Variants in ARHGAP21 observed in about 807,000 individuals in gnomAD.
The protein encoded by ARHGAP21 is Rho GTPase activating protein 21, also known as rho GTPase-activating protein 21.
Under a neutral mutation model 164.6 loss-of-function variants are expected in ARHGAP21, and 38 were observed. That is an observed-to-expected ratio of 0.23 (90% CI 0.18 to 0.30). The LOEUF is 0.30. ARHGAP21 is among the 10% of genes least tolerant of loss of function. The pLI is 1.00. For synonymous variants in ARHGAP21, 766 were observed against 857.9 expected (o/e 0.89, Z 1.87); for missense variants, 1,822 against 2,370.7 (o/e 0.77, Z 4.81).
chr10:24,595,445 A>C (rs1479503756), intron 19 of ARHGAP21, among the ~76,000 whole-genome samples: 2 of 152,220 alleles, frequency 1.3e-5, no homozygotes, highest in Admixed American at 6.5e-5. Context: ...TGACTGAAAA[A>C]ACATTTTTCT....
chr10:24,610,076 GACTT>G (rs1257307768), intron 9 of ARHGAP21, among the ~76,000 whole-genome samples: 2 of 152,150 alleles, frequency 1.3e-5, no homozygotes, highest in Non-Finnish European at 2.9e-5. Context: ...TCAAAGAACT[GACTT>G]AAGAAACGAG....
intron 3 of ARHGAP21, among the ~76,000 whole-genome samples, chr10:24,669,126 T>C (rs914204350): frequency 6.6e-6 from 1 of 152,144 alleles, no homozygotes; most frequent in African/African-American, 2.4e-5. Context: ...CCTTAAAAGA[T>C]ATTCAGTTGT....
At position 24,591,394 on chromosome 10, in the gene ARHGAP21, C is replaced by T. The variant is rs2076323859; in HGVS notation, c.4045-64G>A. ...AAAGATACTTTCTTTAAAATTTAAA[C>T]AACATTTAGTAAAAGACACATTACT... On this transcript the variant is annotated intron_variant, in intron 23 of 25. Transcript: ENST00000396432. The T allele has an allele frequency of 3.5e-6, 5 of 1,424,846 alleles. No homozygotes were observed. In the East Asian group the frequency reaches 9.1e-5, roughly 26 times the overall value. 88.3% of individuals were successfully genotyped at this position (1,424,846 alleles called of 1,614,324 possible).
chr10:24,664,965 A>C (rs954201433), intron 4 of ARHGAP21, among the ~76,000 whole-genome samples: 1 of 152,188 alleles, frequency 6.6e-6, no homozygotes, highest in Non-Finnish European at 1.5e-5. Flanking sequence ...ATGAAGTTTT[A>C]TAACAATGTC....
intron 2 of ARHGAP21, among the ~76,000 whole-genome samples, chr10:24,686,427 CAAAT>C (rs879279972): frequency 6.6e-6 from 1 of 151,674 alleles, no homozygotes; most frequent in African/African-American, 2.4e-5. Context: ...GACCCTATCT[CAAAT>C]AAATAAATAA....
At chr10:24,594,161 G>GTACTT (rs1039014668) in intron 21 of ARHGAP21, among the ~76,000 whole-genome samples, 8 of 152,256 alleles carry the variant, frequency 5.3e-5, no homozygotes, top group African/African-American at 1.9e-4. Context: ...GACTGCTTCA[G>GTACTT]TACTTTAAGA....
At chr10:24,615,123 GA>G (rs1372960772) in intron 9 of ARHGAP21, among the ~76,000 whole-genome samples, 3 of 152,164 alleles carry the variant, frequency 2.0e-5, no homozygotes, top group Non-Finnish European at 4.4e-5. Context: ...CCGGGAGGCG[GA>G]GGTTGCAGTG....
chr10:24,623,048 G>A (rs560890192), intron 7 of ARHGAP21, among the ~76,000 whole-genome samples: 4 of 152,196 alleles, frequency 2.6e-5, no homozygotes, highest in African/African-American at 9.6e-5. Flanking sequence ...TCTTCAATAT[G>A]CACTGCTGTC....
At chr10:24,663,697 T>C (rs1295628039) in intron 4 of ARHGAP21, among the ~76,000 whole-genome samples, 4 of 152,078 alleles carry the variant, frequency 2.6e-5, no homozygotes, top group African/African-American at 9.7e-5. Context: ...CCTGGCTAAT[T>C]TTTTTATTTT....
chr10:24,721,773 C>G, intron 2 of ARHGAP21, 64 bp downstream of exon 2: 3 of 1,591,154 alleles, frequency 1.9e-6, no homozygotes, highest in South Asian at 2.3e-5. Context: ...TAACCCCCAA[C>G]TTGCAGGACG....
In ARHGAP21 at chr10:24,619,356, G is replaced by C. The variant is rs144793614; in HGVS notation, c.2422+117C>G. ...GAAGCACAGCTTATGAGATTCACTA[G>C]AAACATTTTAAAATCACAGTGTAAG... On this transcript the variant is annotated intron_variant, in intron 9 of 25. Coordinates refer to ENST00000396432, the MANE Select transcript of ARHGAP21 (RefSeq NM_020824.4). The C allele has an allele frequency of 1.3e-3, 1,374 of 1,047,474 alleles. 23 individuals carry two copies. The East Asian group carries it at 0.028, about 21-fold the overall frequency. 64.9% of individuals were successfully genotyped at this position (1,047,474 alleles called of 1,614,324 possible).
intron 7 of ARHGAP21, among the ~76,000 whole-genome samples, chr10:24,626,273 T>C (rs1417186923): frequency 6.6e-6 from 1 of 152,130 alleles, no homozygotes; most frequent in Non-Finnish European, 1.5e-5. Flanking sequence ...CAGGGAAGTA[T>C]TCTCTTTGGT....
intron 23 of ARHGAP21, 38 bp from the exon 24 acceptor site, chr10:24,591,368 C>T: frequency 6.6e-7 from 1 of 1,509,844 alleles, no homozygotes; most frequent in Non-Finnish European, 9.1e-7. Context: ...ATCATCTCTT[C>T]AAAGATACTT....
At chr10:24,628,952 C>CTATATATATATCTATATA (rs1835496549) in intron 7 of ARHGAP21, 1 of 13,764 alleles carries the variant, frequency 7.3e-5, no homozygotes, top group South Asian at 4.6e-3. Context: ...CACACACACA[C>CTATATATATATCTATATA]TATATATATA....
At chr10:24,685,471 C>A (rs538693579) in intron 2 of ARHGAP21, among the ~76,000 whole-genome samples, 35 of 152,258 alleles carry the variant, frequency 2.3e-4, no homozygotes, top group African/African-American at 8.2e-4. Flanking sequence ...ATTTACATTC[C>A]TGATTTGCTG....
intron 24 of ARHGAP21, chr10:24,590,682 CAGAAGAAAAT>C: frequency 1.5e-6 from 2 of 1,323,136 alleles, no homozygotes; most frequent in Non-Finnish European, 1.9e-6. Flanking sequence ...CAACAGGAAA[CAGAAGAAAAT>C]AAATGTCAAA....
chr10:24,596,429 T>C (rs1304321906), intron 17 of ARHGAP21: 2 of 514,496 alleles, frequency 3.9e-6, no homozygotes, highest in Non-Finnish European at 6.7e-6. Context: ...ACATGTATTA[T>C]ACTTTCTTAA....
rs768578438 is a variant in ARHGAP21, at chr10:24,620,874, G to T, written c.1021C>A (p.Pro341Thr). 3.1e-6 allele frequency: 5 copies of T among 1,613,816 alleles called. No homozygotes were observed. Among genetic ancestry groups the T allele is most frequent in the East Asian group, 2.2e-5 (1 of 44,888 alleles). ...HQPAGSRSLE[P>T]SGILLKSGNY... is the part of the protein sequence containing the mutation. ...CCAGACTTAAGTAAAATTCCAGAAG[G>T]TTCCAGTGATCTGGAGCCTGCAGGC... Residue 341 changes from proline (P) to threonine (T), a missense_variant, in exon 9 of 26, where the codon CCT becomes ACT. By Grantham distance (38) the Pro-to-Thr change is conservative. This residue lies in a region of ARHGAP21 where 1,090 missense variants were observed against 1,378.9 expected (regional missense o/e 0.79). Transcript: ENST00000396432.
Position 24,664,554 on chromosome 10 carries a change from C to CAA in ARHGAP21, c.268+2429_268+2430dup, listed in dbSNP as rs905581787. ...CTGTCAACAGAGTGAGATTCCGTCT[C>CAA]AAAAAAAAAAAATAATAATAATAAT... On this transcript the variant is annotated intron_variant, in intron 4 of 25. Coordinates refer to ENST00000396432, the MANE Select transcript of ARHGAP21 (RefSeq NM_020824.4). Among the ~76,000 whole-genome samples the CAA allele has an allele frequency of 2.2e-5, 3 of 136,328 alleles. No individual in the cohort carries two copies. In the Admixed American group the frequency reaches 2.2e-4, roughly 10 times the overall value. The allele number at this position is 136,328 out of a possible 152,430, so 89.4% of individuals were successfully genotyped here. A position where few individuals can be genotyped will look rare whatever the true frequency, so the allele number is the denominator to read the frequency against.
Sources: gnomAD v4.1 joint callset for allele counts (sites outside exome capture counted in the v4.1 genomes callset) on GRCh38, gnomAD v4.1.1 for gene constraint, gnomAD v4.1.1 regional missense constraint, MANE v1.5 for transcripts, NCBI Gene and HGNC (gene_info 2026-07-23, HGNC 2026-07-21) for gene names.